Variants in MYO18A observed in about 807,000 individuals in gnomAD.
MYO18A encodes the protein unconventional myosin-XVIIIa.
In MYO18A, 78 loss-of-function variants were observed where a neutral mutation model predicts 235.8. That is an observed-to-expected ratio of 0.33 (90% CI 0.28 to 0.40). The LOEUF is 0.40. MYO18A is among the 10% of genes least tolerant of loss of function. The probability of loss-of-function intolerance (pLI) is 1.00; values close to 1 mark genes in which losing one functional copy is unlikely to be tolerated. For missense variants in MYO18A, 2,215 were observed against 2,699.3 expected, an observed-to-expected ratio of 0.82 and a Z score of 3.98; for synonymous variants, 977 against 1,077.8, an observed-to-expected ratio of 0.91 and a Z score of 1.83.
chr17:29,121,523 AG>A lies in MYO18A; in HGVS notation c.1371+23del, dbSNP rs776956018. ...GCAGGGGGTGGGACCAGGAGTCTGCAGGGTAGCCTTGAGGGTGCTGCACCTT... is the reference window on the plus strand; with the variant it reads ...GCAGGGGGTGGGACCAGGAGTCTGCAGGTAGCCTTGAGGGTGCTGCACCTT... On this transcript the variant is annotated intron_variant, in intron 5 of 41. Transcript: ENST00000527372. The surrounding 1 kb of genome is among the most constrained non-coding windows in gnomAD (Gnocchi z 4.2). 6.3e-7 allele frequency: 1 copy of A among 1,579,282 alleles called. No homozygotes were observed. The highest frequency in any genetic ancestry group is 2.3e-5 in the East Asian group (1 of 43,844).
chr17:29,120,482 C>A lies in MYO18A; in HGVS notation c.1728+134G>T. The A allele has an allele frequency of 1.6e-6, 2 of 1,233,386 alleles. No individual in the cohort carries two copies. The highest frequency in any genetic ancestry group is 2.2e-6 in the Non-Finnish European group (2 of 894,588). 76.4% of individuals were successfully genotyped at this position (1,233,386 alleles called of 1,614,324 possible). A position where few individuals can be genotyped will look rare whatever the true frequency, so the allele number is the denominator to read the frequency against. ...GATGCCTCTGGATAGTGCAGGCCAA[C>A]CCTGCCCATGCCTGGGTCAATTTTG... On this transcript the variant is annotated intron_variant, in intron 7 of 41. Transcript: ENST00000527372. This position sits in a 1 kb window ranked among gnomAD's most constrained non-coding sequence, Gnocchi z 4.2.
intron 15 of MYO18A, among the ~76,000 whole-genome samples, chr17:29,113,270 G>A (rs1180250108): frequency 6.6e-6 from 1 of 152,228 alleles, no homozygotes; most frequent in Non-Finnish European, 1.5e-5. Flanking sequence ...AAGAGGGAGG[G>A]AGAGGTAGGG....
At chr17:29,086,871 G>A (rs1260153525) in intron 38 of MYO18A, 65 bp downstream of exon 38, 1 of 1,514,348 alleles carries the variant, frequency 6.6e-7, no homozygotes, top group African/African-American at 1.4e-5. Flanking sequence ...GCCAGAGTGA[G>A]GCATACACTC....
rs537973038 is a variant in MYO18A at position 29,130,056 on chromosome 17, C to T, written c.1000-7803G>A. Among the ~76,000 whole-genome samples, 4 of 152,144 alleles carry T rather than the reference C, an allele frequency of 2.6e-5. No homozygotes were observed. The East Asian group carries it at 5.8e-4, about 22-fold the overall frequency. On this transcript the variant is annotated intron_variant, in intron 2 of 41. Coordinates refer to ENST00000527372, the MANE Select transcript of MYO18A (RefSeq NM_078471.4). ...TCACGCCTGTAATCCTAGCACTTTG[C>T]GAGGCCAAGGCAGGGAGACTGCTTG...
intron 2 of MYO18A, 74 bp downstream of exon 2, chr17:29,165,868 C>T: frequency 9.3e-6 from 13 of 1,393,100 alleles, no homozygotes; most frequent in South Asian, 2.7e-5. Context: ...TTGGGTACCC[C>T]GATTACCCAG....
rs2067184792 is a variant in MYO18A, at chr17:29,120,986, TC to T, written c.1585+11del. ...ACCCCACTTTCAGTTTTCTCCCTTG[TC>T]CCTGCCTCACCAGAAAACACCTTGT... On this transcript the variant is annotated intron_variant, in intron 6 of 41. Transcript: ENST00000527372. This position sits in a 1 kb window ranked among gnomAD's most constrained non-coding sequence, Gnocchi z 4.2. 6.2e-7 allele frequency: 1 copy of T among 1,605,006 alleles called. No individual in the cohort carries two copies. Among genetic ancestry groups the T allele is most frequent in the Non-Finnish European group, 8.5e-7 (1 of 1,176,386 alleles).
chr17:29,085,768 G>T, intron 39 of MYO18A, 120 bp from the exon 40 acceptor site: 1 of 1,004,520 alleles, frequency 1.0e-6, no homozygotes, highest in Non-Finnish European at 1.5e-6. Context: ...GCCAGCTCTG[G>T]CTGGTTGAGA....
intron 2 of MYO18A, among the ~76,000 whole-genome samples, chr17:29,133,189 A>ACTGGGCCCAGCT (rs1489747326): frequency 6.6e-6 from 1 of 152,156 alleles, no homozygotes; most frequent in Non-Finnish European, 1.5e-5. Context: ...TGTCTGAAAC[A>ACTGGGCCCAGCT]CTGGGCCCAG....
chr17:29,162,140 A>C (rs2068187412), intron 2 of MYO18A, among the ~76,000 whole-genome samples: 1 of 152,004 alleles, frequency 6.6e-6, no homozygotes, highest in Non-Finnish European at 1.5e-5. Context: ...CCAGGTCTCC[A>C]TCCATTCTTC....
intron 34 of MYO18A, chr17:29,091,308 AGTCTGCGAAG>A: frequency 3.1e-6 from 1 of 325,298 alleles, no homozygotes. Context: ...GGACCCCTCA[AGTCTGCGAAG>A]GTCTCCTGGC....
rs2067046931 is a variant in MYO18A at position 29,115,858 on chromosome 17, G to A, written c.2051-18C>T. On this transcript the variant is annotated intron_variant, in intron 11 of 41. Coordinates refer to ENST00000527372, the MANE Select transcript of MYO18A (RefSeq NM_078471.4). Reference sequence around the variant, plus strand: ...GCGCCCAGCTGTGGAGTGGAAAAAGGGATCTGGCATCCTGGGTCTTTTTCC... The same window carrying A: ...GCGCCCAGCTGTGGAGTGGAAAAAGAGATCTGGCATCCTGGGTCTTTTTCC... 6.4e-7 allele frequency: 1 copy of A among 1,565,750 alleles called. No homozygotes were observed. Among genetic ancestry groups the A allele is most frequent in the Non-Finnish European group, 8.7e-7 (1 of 1,155,722 alleles).
rs139193013 is a variant in MYO18A at position 29,074,142 on chromosome 17, C to T, written c.*628G>A. 662 of 1,613,836 alleles carry T rather than the reference C, an allele frequency of 4.1e-4. 8 individuals are homozygous for T. The East Asian group carries it at 0.012, about 28-fold the overall frequency. On this transcript the variant is annotated 3_prime_UTR_variant, in exon 42 of 42. Transcript: ENST00000527372. The surrounding 1 kb of genome is among the most constrained non-coding windows in gnomAD (Gnocchi z 4.4). ...ACCTGGACCCGGCTCTCCTCACCAGCGTCTCCAGCTGCACAGAGAAAGGAC... is the reference window on the plus strand; with the variant it reads ...ACCTGGACCCGGCTCTCCTCACCAGTGTCTCCAGCTGCACAGAGAAAGGAC...
At chr17:29,090,459 T>C in intron 36 of MYO18A, 73 bp downstream of exon 36, 1 of 1,375,556 alleles carries the variant, frequency 7.3e-7, no homozygotes, top group Non-Finnish European at 1.0e-6. Flanking sequence ...TTCTAAACTG[T>C]GAACTTGGGG....
Position 29,107,032 on chromosome 17 carries a change from C to G in MYO18A, c.3441+48G>C, listed in dbSNP as rs765408721. ...CAGATGAGTCTGGAAAGGGCAGCTG[C>G]TTGAGGGGCCTGGGCAGAGGGAGAG... On this transcript the variant is annotated intron_variant, in intron 20 of 41. Transcript: ENST00000527372. 16 of 1,566,744 alleles carry G rather than the reference C, an allele frequency of 1.0e-5. No homozygotes were observed. The South Asian group carries it at 1.8e-4, about 17-fold the overall frequency.
intron 2 of MYO18A, chr17:29,131,254 T>C: frequency 2.6e-6 from 1 of 379,036 alleles, no homozygotes; most frequent in Non-Finnish European, 3.6e-6. Context: ...CATGGAGCTG[T>C]CTCACAGGCT....
intron 2 of MYO18A, among the ~76,000 whole-genome samples, chr17:29,161,355 C>CAA (rs1175565325): frequency 1.6e-3 from 78 of 49,864 alleles, no homozygotes; most frequent in Middle Eastern, 0.011. Context: ...AACTCCATGT[C>CAA]AAAAAAAAAA....
At chr17:29,122,673 T>A (rs2067229456) in intron 2 of MYO18A, among the ~76,000 whole-genome samples, 1 of 152,348 alleles carries the variant, frequency 6.6e-6, no homozygotes, top group Non-Finnish European at 1.5e-5. Context: ...GCTACTAGGA[T>A]CTTCCGTGCC....
At chr17:29,124,411 T>G (rs1374974015) in intron 2 of MYO18A, among the ~76,000 whole-genome samples, 3 of 152,186 alleles carry the variant, frequency 2.0e-5, no homozygotes, top group Non-Finnish European at 4.4e-5. Context: ...GGGCCCAACT[T>G]GAAGGGCGAC....
intron 41 of MYO18A, chr17:29,077,265 G>T (rs2066004519): frequency 6.6e-6 from 1 of 152,266 alleles, no homozygotes; most frequent in Non-Finnish European, 1.5e-5. Context: ...CCTCTCCAGG[G>T]CAAGAGTCAG....
Sources: allele counts gnomAD v4.1 joint callset (sites outside exome capture counted in the v4.1 genomes callset), GRCh38; gene constraint gnomAD v4.1.1; non-coding constraint Gnocchi (gnomAD v3.1); transcripts MANE v1.5; gene names NCBI Gene and HGNC (gene_info 2026-07-23, HGNC 2026-07-21).